Variants in INTU observed in about 807,000 individuals in gnomAD.
INTU encodes the protein inturned planar cell polarity protein, also known as protein inturned.
INTU carries 68 observed loss-of-function variants against 100.5 expected under a neutral mutation model. That is an observed-to-expected ratio of 0.68 (90% CI 0.56 to 0.83). The LOEUF is 0.83. Among genes scored for constraint, INTU ranks in the 40% least tolerant of loss-of-function variants. INTU has a pLI of 0.00. For missense variants in INTU, 1,071 were observed against 1,114.7 expected (o/e 0.96, Z 0.56); for synonymous variants, 357 against 395.7 (o/e 0.90, Z 1.16).
chr4:127,707,961 G>T (rs1012822280), intron 12 of INTU, among the ~76,000 whole-genome samples: 1 of 152,156 alleles, frequency 6.6e-6, no homozygotes, highest in Admixed American at 6.6e-5. Flanking sequence ...ACTATGAAAT[G>T]CTAGTAGCAT....
intron 2 of INTU, among the ~76,000 whole-genome samples, chr4:127,653,335 TC>T (rs1472374276): frequency 5.7e-4 from 79 of 137,446 alleles, no homozygotes; most frequent in African/African-American, 1.9e-3. Flanking sequence ...TTTGGATCTT[TC>T]CTGCTTTCTC....
intron 2 of INTU, among the ~76,000 whole-genome samples, chr4:127,654,534 A>G (rs1027722728): frequency 2.6e-5 from 4 of 152,148 alleles, no homozygotes; most frequent in African/African-American, 9.7e-5. Context: ...TTTCTTTAAG[A>G]ATGTTGAATA....
intron 8 of INTU, among the ~76,000 whole-genome samples, chr4:127,690,172 A>AT (rs1168269139): frequency 6.6e-6 from 1 of 152,234 alleles, no homozygotes; most frequent in African/African-American, 2.4e-5. Context: ...GGGCTTACAG[A>AT]TTCCATGTGA....
In INTU at chr4:127,717,973, CAGA is replaced by C. The variant is rs1258949416; in HGVS notation, c.*1540_*1542del. ...TCTGATGATAGTTTCTTTTGCTGTG[CAGA>C]AGGTCTTTAATTTAACTAGATCCCA... On this transcript the variant is annotated 3_prime_UTR_variant, in exon 16 of 16. Coordinates refer to ENST00000335251, the MANE Select transcript of INTU (RefSeq NM_015693.4). The C allele has an allele frequency of 1.3e-5, 2 of 152,202 alleles. No homozygotes were observed. Among genetic ancestry groups the C allele is most frequent in the East Asian group, 3.9e-4 (2 of 5,174 alleles). The allele number at this position is 152,202 out of a possible 1,614,324, so 9.4% of individuals were successfully genotyped here. A position where few individuals can be genotyped will look rare whatever the true frequency, so the allele number is the denominator to read the frequency against.
At chr4:127,654,888 A>G (rs914138168) in intron 2 of INTU, among the ~76,000 whole-genome samples, 8 of 143,816 alleles carry the variant, frequency 5.6e-5, no homozygotes, top group Non-Finnish European at 1.2e-4. Flanking sequence ...GTCTTTTCAC[A>G]TAGTCCCATA....
chr4:127,686,940 C>T (rs1414946764), intron 7 of INTU: 2 of 152,136 alleles, frequency 1.3e-5, no homozygotes, highest in African/African-American at 4.8e-5. Context: ...GTGAGCTGTT[C>T]CAATAAATGC....
intron 13 of INTU, 110 bp from the exon 14 acceptor site, chr4:127,710,803 T>A (rs1001109234): frequency 1.8e-6 from 1 of 564,476 alleles, no homozygotes; most frequent in Non-Finnish European, 2.8e-6. Context: ...CTACTAATAT[T>A]ATATTGTAGA....
chr4:127,696,004 A>C (rs1730365703), intron 8 of INTU, among the ~76,000 whole-genome samples: 1 of 152,114 alleles, frequency 6.6e-6, no homozygotes. Context: ...CTGGTTTTTG[A>C]ATGTCAAACC....
At chr4:127,676,919 C>G (rs1212163707) in intron 6 of INTU, among the ~76,000 whole-genome samples, 1 of 152,122 alleles carries the variant, frequency 6.6e-6, no homozygotes, top group South Asian at 2.1e-4. Context: ...TCCCAACAGG[C>G]TTAAAAAAAG....
At chr4:127,701,828 T>C (rs1009184915) in intron 9 of INTU, among the ~76,000 whole-genome samples, 1 of 152,152 alleles carries the variant, frequency 6.6e-6, no homozygotes, top group Admixed American at 6.5e-5. Context: ...AGGTGTGGAT[T>C]ATTCTCAAGA....
In INTU at chr4:127,722,888, A is replaced by G. The variant is rs1731367295; in HGVS notation, c.*6452A>G. ...TTAGCTTATAGAGTTCTGTGAGAGC[A>G]AGGCTGCTTGGCTCCCTGGCTTCAG... On this transcript the variant is annotated 3_prime_UTR_variant, in exon 16 of 16. Transcript: ENST00000335251. The G allele has an allele frequency of 6.6e-6, 1 of 152,378 alleles. No individual in the cohort carries two copies. 9.4% of individuals were successfully genotyped at this position (152,378 alleles called of 1,614,324 possible). A position where few individuals can be genotyped will look rare whatever the true frequency, so the allele number is the denominator to read the frequency against.
At chr4:127,650,069 T>C (rs944545764) in intron 2 of INTU, among the ~76,000 whole-genome samples, 1 of 152,158 alleles carries the variant, frequency 6.6e-6, no homozygotes, top group Non-Finnish European at 1.5e-5. Context: ...AAACATGCAG[T>C]GTATTTTGAT....
At chr4:127,676,724 C>G (rs1361813074) in intron 6 of INTU, among the ~76,000 whole-genome samples, 4 of 152,112 alleles carry the variant, frequency 2.6e-5, no homozygotes, top group Non-Finnish European at 5.9e-5. Context: ...GTTCATCTCA[C>G]TAGGGAGTGC....
At position 127,721,674 on chromosome 4, in the gene INTU, T is replaced by A. The variant is rs1226578598; in HGVS notation, c.*5238T>A. On this transcript the variant is annotated 3_prime_UTR_variant, in exon 16 of 16. Transcript: ENST00000335251. ...AGAGGTTTCATTCATTCCTTTTCAT[T>A]CTTTTTTCTCTAATCTTGTCTGCCT... 1 of 152,210 alleles carries A rather than the reference T, an allele frequency of 6.6e-6. No homozygotes were observed. Among genetic ancestry groups the A allele is most frequent in the Non-Finnish European group, 1.5e-5 (1 of 68,048 alleles). 9.4% of individuals were successfully genotyped at this position (152,210 alleles called of 1,614,324 possible).
chr4:127,701,179 G>A (rs974470468), intron 9 of INTU, among the ~76,000 whole-genome samples: 2 of 152,092 alleles, frequency 1.3e-5, no homozygotes, highest in Non-Finnish European at 1.5e-5. Context: ...CTGAAAAGGA[G>A]GCATGTTAAG....
chr4:127,648,256 A>T (rs2126182999), intron 2 of INTU, among the ~76,000 whole-genome samples: 1 of 152,282 alleles, frequency 6.6e-6, no homozygotes, highest in African/African-American at 2.4e-5. Flanking sequence ...CAAAGGTGCG[A>T]TGTCCGGGAA....
At chr4:127,660,245 G>C (rs1443501502) in intron 3 of INTU, among the ~76,000 whole-genome samples, 1 of 152,168 alleles carries the variant, frequency 6.6e-6, no homozygotes, top group African/African-American at 2.4e-5. Context: ...ACAGGAGAGA[G>C]AGAAGTCCAA....
intron 7 of INTU, chr4:127,686,521 A>G (rs1005007588): frequency 6.6e-6 from 1 of 152,126 alleles, no homozygotes; most frequent in African/African-American, 2.4e-5. Context: ...TGTATTGCAA[A>G]CACCCTGGCA....
chr4:127,704,577 G>A (rs1730793440), intron 10 of INTU, among the ~76,000 whole-genome samples: 2 of 152,054 alleles, frequency 1.3e-5, no homozygotes, highest in Non-Finnish European at 1.5e-5. Flanking sequence ...TTACAGGCGT[G>A]AGCCACCATG....
Sources: gnomAD v4.1 joint callset for allele counts (sites outside exome capture counted in the v4.1 genomes callset) on GRCh38, gnomAD v4.1.1 for gene constraint, MANE v1.5 for transcripts, NCBI Gene and HGNC (gene_info 2026-07-23, HGNC 2026-07-21) for gene names.